Variants in KCNN2 observed in about 807,000 individuals in gnomAD.
KCNN2 encodes potassium calcium-activated channel subfamily N member 2, also known as small conductance calcium-activated potassium channel protein 2.
In KCNN2, 24 loss-of-function variants were observed where a neutral mutation model predicts 55.5. That is an observed-to-expected ratio of 0.43 (90% CI 0.31 to 0.61). KCNN2 has a LOEUF of 0.61. KCNN2 is among the 20% of genes least tolerant of loss of function. The pLI is 0.08. For synonymous variants in KCNN2, 431 were observed against 336.1 expected, an observed-to-expected ratio of 1.28 and a Z score of -3.09; for missense variants, 754 against 853.6, an observed-to-expected ratio of 0.88 and a Z score of 1.45.
chr5:114,141,171 T>A (rs553798806), intron 1 of KCNN2, among the ~76,000 whole-genome samples: 1 of 152,140 alleles, frequency 6.6e-6, no homozygotes, highest in Non-Finnish European at 1.5e-5. Flanking sequence ...AGGGTACATG[T>A]GCACAATGTG....
chr5:114,170,019 TC>T (rs1391331807), intron 1 of KCNN2, among the ~76,000 whole-genome samples: 7 of 152,058 alleles, frequency 4.6e-5, no homozygotes, highest in Admixed American at 2.0e-4. Context: ...GAAAGATGAT[TC>T]TTCTTCTTCC....
intron 1 of KCNN2, among the ~76,000 whole-genome samples, chr5:114,104,673 C>T (rs1751443352): frequency 6.6e-6 from 1 of 151,944 alleles, no homozygotes; most frequent in African/African-American, 2.4e-5. Context: ...AGCAAATATA[C>T]AAGAATGATA....
At chr5:114,116,603 A>C (rs1236762301) in intron 1 of KCNN2, among the ~76,000 whole-genome samples, 1 of 152,140 alleles carries the variant, frequency 6.6e-6, no homozygotes, top group East Asian at 1.9e-4. Flanking sequence ...GTTTAGTAAT[A>C]TCCATTACTT....
rs142710514 is a variant in KCNN2 at position 114,480,806 on chromosome 5, A to G, written c.1891-6244A>G. Among the ~76,000 whole-genome samples the G allele has an allele frequency of 6.8e-3, 1,041 of 152,302 alleles. 11 individuals carry two copies. Among genetic ancestry groups the G allele is most frequent in the Middle Eastern group, 0.058 (17 of 294 alleles). ...ATAGATGCAGAAAAGGCCATCAAAA[A>G]AATTCAACATCCCTGCATGTTAAAT... On this transcript the variant is annotated intron_variant, in intron 5 of 7. Coordinates refer to ENST00000673685, the MANE Select transcript of KCNN2 (RefSeq NM_021614.4).
chr5:114,326,884 A>G (rs1394519398), intron 2 of KCNN2, among the ~76,000 whole-genome samples: 3 of 152,158 alleles, frequency 2.0e-5, no homozygotes, highest in Non-Finnish European at 4.4e-5. Flanking sequence ...CTAATAGTGT[A>G]TTCTGACTTG....
chr5:114,364,034 A>G, intron 2 of KCNN2, 33 bp downstream of exon 2: 4 of 1,504,002 alleles, frequency 2.7e-6, no homozygotes, highest in Non-Finnish European at 3.7e-6. Flanking sequence ...TGAATGACCC[A>G]AAGCCCTACA....
chr5:114,455,660 C>T (rs1760890164), intron 3 of KCNN2, among the ~76,000 whole-genome samples: 1 of 152,210 alleles, frequency 6.6e-6, no homozygotes, highest in African/African-American at 2.4e-5. Context: ...AGCTAGGCTT[C>T]TTATACCAAA....
chr5:114,221,949 G>A (rs1008802820), intron 2 of KCNN2, among the ~76,000 whole-genome samples: 2 of 152,080 alleles, frequency 1.3e-5, no homozygotes, highest in Middle Eastern at 3.4e-3. Flanking sequence ...AGCTTCTTTC[G>A]ACCCTGTTTT....
intron 1 of KCNN2, among the ~76,000 whole-genome samples, chr5:114,093,067 T>C (rs1561472169): frequency 6.6e-6 from 1 of 152,192 alleles, no homozygotes; most frequent in African/African-American, 2.4e-5. Flanking sequence ...ATTGTCAGGA[T>C]GCAGATTTTC....
chr5:114,143,448 A>G (rs540345843), intron 1 of KCNN2, among the ~76,000 whole-genome samples: 18 of 152,312 alleles, frequency 1.2e-4, no homozygotes, highest in African/African-American at 4.1e-4. Context: ...AAAAATTCTC[A>G]GAAGGGAGTA....
In KCNN2 at chr5:114,272,305, C is replaced by CAT. The variant is rs1561548910; in HGVS notation, c.-185+50741_-185+50742insTA. Among the ~76,000 whole-genome samples, 44 of 44,436 alleles carry CAT rather than the reference C, an allele frequency of 9.9e-4. 5 individuals are homozygous for CAT. The highest frequency in any genetic ancestry group is 2.7e-3 in the East Asian group (3 of 1,102). 29.2% of individuals were successfully genotyped at this position (44,436 alleles called of 152,430 possible). The stretch of plus-strand genomic sequence containing the variant: ...CACACACATATATGTATGTACATAT[C>CAT]ACACACACACATATATGTATGTACA... On this transcript the variant is annotated intron_variant, in intron 2 of 10. Coordinates refer to the KCNN2 transcript ENST00000512097.
chr5:114,304,221 G>T (rs917184578), intron 2 of KCNN2, among the ~76,000 whole-genome samples: 1 of 152,108 alleles, frequency 6.6e-6, no homozygotes, highest in Admixed American at 6.6e-5. Context: ...CTGGGAAACA[G>T]GTTTGAGGTT....
intron 2 of KCNN2, among the ~76,000 whole-genome samples, chr5:114,395,408 T>TACCA: frequency 2.6e-5 from 4 of 152,242 alleles, no homozygotes. Flanking sequence ...TGGCCAAGAC[T>TACCA]GTTAACCATC....
chr5:114,303,768 G>A (rs1018248960), intron 2 of KCNN2, among the ~76,000 whole-genome samples: 2 of 152,154 alleles, frequency 1.3e-5, no homozygotes, highest in Non-Finnish European at 2.9e-5. Flanking sequence ...ATAGAAATTA[G>A]GGATTGATAG....
intron 1 of KCNN2, among the ~76,000 whole-genome samples, chr5:114,106,284 T>C (rs568717109): frequency 5.9e-5 from 9 of 152,044 alleles, no homozygotes; most frequent in Admixed American, 4.6e-4. Context: ...AGTTTTTGTC[T>C]ATTATGAAGC....
At chr5:114,482,530 A>G (rs1196446600) in intron 5 of KCNN2, among the ~76,000 whole-genome samples, 1 of 152,218 alleles carries the variant, frequency 6.6e-6, no homozygotes, top group African/African-American at 2.4e-5. Context: ...TACTGGGTAC[A>G]TACCCAAAGG....
At chr5:114,186,544 TC>T (rs1482115310) in intron 1 of KCNN2, among the ~76,000 whole-genome samples, 8 of 152,216 alleles carry the variant, frequency 5.3e-5, no homozygotes, top group African/African-American at 1.9e-4. Flanking sequence ...AATGAAATAA[TC>T]CCAAATACAA....
At chr5:114,248,846 C>T (rs1222817958) in intron 2 of KCNN2, among the ~76,000 whole-genome samples, 1 of 152,082 alleles carries the variant, frequency 6.6e-6, no homozygotes, top group African/African-American at 2.4e-5. Flanking sequence ...TTATAGAGAG[C>T]TGTGAAGAAG....
chr5:114,118,292 G>A (rs138110213), intron 1 of KCNN2, among the ~76,000 whole-genome samples: 1 of 152,088 alleles, frequency 6.6e-6, no homozygotes, highest in East Asian at 1.9e-4. Flanking sequence ...ACACACACAG[G>A]CACACACATA....
Sources: allele counts gnomAD v4.1 joint callset (sites outside exome capture counted in the v4.1 genomes callset), GRCh38; gene constraint gnomAD v4.1.1; transcripts MANE v1.5; gene names NCBI Gene and HGNC (gene_info 2026-07-23, HGNC 2026-07-21).